The following ALG14 variants were observed in gnomAD, a reference collection of about 807,000 sequenced individuals.
The protein encoded by ALG14 is UDP-N-acetylglucosamine transferase subunit ALG14.
Under a neutral mutation model 22.8 loss-of-function variants are expected in ALG14, and 17 were observed. The ratio of observed to expected loss-of-function variants is 0.75; its 90% CI spans 0.51 to 1.12. The LOEUF (loss-of-function observed/expected upper bound fraction) is 1.12, where lower values mean the gene tolerates loss of function less well. Ranked by LOEUF, ALG14 falls within the 50% of genes most tolerant of loss-of-function variation. ALG14 has a pLI of 0.00. For synonymous variants in ALG14, 89 were observed against 103.7 expected, an observed-to-expected ratio of 0.86 and a Z score of 0.86; for missense variants, 288 against 271.8, an observed-to-expected ratio of 1.06 and a Z score of -0.42.
At position 95,066,857 on chromosome 1, in the gene ALG14, T is replaced by C. The variant is rs914737382; in HGVS notation, c.137-1840A>G. Among the ~76,000 whole-genome samples the C allele has an allele frequency of 4.0e-5, 6 of 151,442 alleles. 1 individual carries two copies. In the South Asian group the frequency reaches 6.2e-4, roughly 16 times the overall value. ...GCCTGTGCAACAGAGCGAGACTCTG[T>C]CTCAAAAAAGAAAAAAAAAACAAGT... On this transcript the variant is annotated intron_variant, in intron 1 of 3. Coordinates refer to ENST00000370205, the MANE Select transcript of ALG14 (RefSeq NM_144988.4).
rs190555233 is a variant in ALG14 at position 95,064,447 on chromosome 1, T to C, written c.288+419A>G. ...ATATATGGCTCTTATTATTTTGAGG[T>C]ATGTTCCTTCAATACCTAGATTATT... is the stretch of plus-strand genomic sequence containing the variant. On this transcript the variant is annotated intron_variant, in intron 2 of 3. Transcript: ENST00000370205. Among the ~76,000 whole-genome samples the C allele has an allele frequency of 3.8e-3, 579 of 152,312 alleles. 4 individuals are homozygous for C. Among genetic ancestry groups the C allele is most frequent in the Non-Finnish European group, 6.4e-3 (432 of 68,016 alleles).
intron 2 of ALG14, among the ~76,000 whole-genome samples, chr1:95,050,178 C>T (rs1341693253): frequency 6.6e-6 from 1 of 152,078 alleles, no homozygotes; most frequent in Non-Finnish European, 1.5e-5. Flanking sequence ...GATCTTCTGC[C>T]AAAGCACAAA....
At chr1:95,000,864 A>C (rs1673047133) in intron 3 of ALG14, among the ~76,000 whole-genome samples, 1 of 152,150 alleles carries the variant, frequency 6.6e-6, no homozygotes, top group African/African-American at 2.4e-5. Flanking sequence ...GAGAGGGCAC[A>C]AAGACACATA....
At chr1:95,027,905 T>C (rs1304712846) in intron 2 of ALG14, among the ~76,000 whole-genome samples, 2 of 152,246 alleles carry the variant, frequency 1.3e-5, no homozygotes, top group Non-Finnish European at 2.9e-5. Flanking sequence ...TACCCCACTG[T>C]ATCATTGTTT....
rs1673855167 is a variant in ALG14 at position 95,027,396 on chromosome 1, T to G, written c.289-136A>C. ...CATTCTAACCACTTTTAAATTAGAG[T>G]TGTAATGCCTATCTCATGCTTTATA... On this transcript the variant is annotated intron_variant, in intron 2 of 3. Transcript: ENST00000370205. The G allele has an allele frequency of 1.4e-5, 14 of 1,036,168 alleles. No homozygotes were observed. In the South Asian group the frequency reaches 1.8e-4, roughly 13 times the overall value. The allele number at this position is 1,036,168 out of a possible 1,614,324, so 64.2% of individuals were successfully genotyped here.
Position 95,034,903 on chromosome 1 carries a change from CCT to C in ALG14, c.289-7645_289-7644del, listed in dbSNP as rs567202345. Among the ~76,000 whole-genome samples the C allele has an allele frequency of 1.3e-3, 198 of 152,306 alleles. 2 individuals are homozygous for C. Among genetic ancestry groups the C allele is most frequent in the South Asian group, 5.2e-3 (25 of 4,824 alleles). On this transcript the variant is annotated intron_variant, in intron 2 of 3. Coordinates refer to ENST00000370205, the MANE Select transcript of ALG14 (RefSeq NM_144988.4). ...ACAGGAACTAAGCTCCCTGCCTCCT[CCT>C]CTCTCTTTGCCCTCTGTGCCCTGTT...
At chr1:95,050,488 T>G (rs1674711015) in intron 2 of ALG14, among the ~76,000 whole-genome samples, 1 of 152,216 alleles carries the variant, frequency 6.6e-6, no homozygotes, top group Non-Finnish European at 1.5e-5. Context: ...AATAGCAATA[T>G]AAACTAGCTT....
chr1:95,007,257 G>A (rs536974506), intron 3 of ALG14, among the ~76,000 whole-genome samples: 5 of 152,286 alleles, frequency 3.3e-5, no homozygotes, highest in African/African-American at 1.2e-4. Flanking sequence ...AAAAATGTAG[G>A]TCTGGCTAAC....
intron 3 of ALG14, among the ~76,000 whole-genome samples, chr1:95,017,715 AT>A (rs1673543728): frequency 6.6e-6 from 1 of 152,204 alleles, no homozygotes; most frequent in Admixed American, 6.5e-5. Flanking sequence ...TGGGATGTGT[AT>A]GGGTGACAGG....
At chr1:95,030,113 A>C (rs530659473) in intron 2 of ALG14, among the ~76,000 whole-genome samples, 1 of 152,360 alleles carries the variant, frequency 6.6e-6, no homozygotes, top group South Asian at 2.1e-4. Flanking sequence ...TTGGGTCAGA[A>C]GTGTTTGGAC....
At chr1:95,013,291 T>TC (rs1266612209) in intron 3 of ALG14, among the ~76,000 whole-genome samples, 1 of 152,098 alleles carries the variant, frequency 6.6e-6, no homozygotes, top group Non-Finnish European at 1.5e-5. Flanking sequence ...ATCCTAGCCC[T>TC]CCATCTCTTT....
At chr1:95,053,049 G>A (rs577575098) in intron 2 of ALG14, among the ~76,000 whole-genome samples, 9 of 152,082 alleles carry the variant, frequency 5.9e-5, no homozygotes, top group East Asian at 1.9e-4. Flanking sequence ...GAAATCTAAC[G>A]CATCAGTAAT....
intron 1 of ALG14, among the ~76,000 whole-genome samples, chr1:95,070,584 G>C (rs1675526986): frequency 6.6e-6 from 1 of 152,142 alleles, no homozygotes; most frequent in Non-Finnish European, 1.5e-5. Flanking sequence ...CTTTGGTATA[G>C]GTTTGCTCCC....
chr1:95,070,762 G>T (rs775973463), intron 1 of ALG14, among the ~76,000 whole-genome samples: 1 of 151,966 alleles, frequency 6.6e-6, no homozygotes, highest in East Asian at 1.9e-4. Flanking sequence ...TTGAGACAGG[G>T]TCTCACTCTG....
At chr1:95,012,426 C>T (rs1482371036) in intron 3 of ALG14, among the ~76,000 whole-genome samples, 1 of 152,218 alleles carries the variant, frequency 6.6e-6, no homozygotes, top group African/African-American at 2.4e-5. Flanking sequence ...TGAACTCACA[C>T]AAACTATTTT....
chr1:95,028,157 G>GT (rs986511832), intron 2 of ALG14, among the ~76,000 whole-genome samples: 11 of 151,154 alleles, frequency 7.3e-5, no homozygotes, highest in African/African-American at 1.7e-4. Flanking sequence ...TGTTAGTTTG[G>GT]TTTTTTTTTG....
chr1:94,999,808 C>T (rs1054820826), intron 3 of ALG14, among the ~76,000 whole-genome samples: 2 of 152,194 alleles, frequency 1.3e-5, no homozygotes, highest in Non-Finnish European at 2.9e-5. Flanking sequence ...ATACATTTCT[C>T]TCTTTTCCTT....
chr1:94,997,946 G>C (rs1443391833), intron 3 of ALG14, among the ~76,000 whole-genome samples: 1 of 152,050 alleles, frequency 6.6e-6, no homozygotes, highest in Non-Finnish European at 1.5e-5. Context: ...CTGAGGGTAT[G>C]GCTGGGCCAC....
rs80295775 is a variant in ALG14, at chr1:95,022,993, A to G, written c.420+4136T>C. Among the ~76,000 whole-genome samples the G allele has an allele frequency of 3.6e-3, 555 of 152,326 alleles. 6 individuals carry two copies. The highest frequency in any genetic ancestry group is 0.013 in the African/African-American group (526 of 41,576). ...ATATTTCAAACACATGTTAATTAGT[A>G]GGCCAATAAAAATTTTATATACTAT... On this transcript the variant is annotated intron_variant, in intron 3 of 3. Coordinates refer to ENST00000370205, the MANE Select transcript of ALG14 (RefSeq NM_144988.4).
Sources: allele counts gnomAD v4.1 joint callset (sites outside exome capture counted in the v4.1 genomes callset), GRCh38; gene constraint gnomAD v4.1.1; transcripts MANE v1.5; gene names NCBI Gene and HGNC (gene_info 2026-07-23, HGNC 2026-07-21).